The following SP100 variants were observed in gnomAD, a reference collection of about 807,000 sequenced individuals.
The protein encoded by SP100 is SP100 nuclear body protein, also known as nuclear autoantigen Sp-100.
A neutral mutation model predicts 130.0 loss-of-function variants in SP100; 84 were observed. The ratio of observed to expected loss-of-function variants is 0.65; its 90% CI spans 0.54 to 0.77. The LOEUF (loss-of-function observed/expected upper bound fraction) is 0.77, where lower values mean the gene tolerates loss of function less well. Among genes scored for constraint, SP100 ranks in the 30% least tolerant of loss-of-function variants. SP100 has a pLI of 0.00. For synonymous variants in SP100, 331 were observed against 351.7 expected (o/e 0.94, Z 0.66); for missense variants, 978 against 1,052.2 (o/e 0.93, Z 0.97).
intron 24 of SP100, among the ~76,000 whole-genome samples, chr2:230,535,906 CAAAAAAAAAAAA>C (rs34684038): frequency 1.7e-4 from 8 of 47,572 alleles, no homozygotes; most frequent in African/African-American, 2.2e-4. Flanking sequence ...GACTCCATCT[CAAAAAAAAAAAA>C]AAAAAAAAAA....
chr2:230,439,434 G>A (rs1276916305), intron 2 of SP100, among the ~76,000 whole-genome samples: 2 of 152,122 alleles, frequency 1.3e-5, no homozygotes, highest in Non-Finnish European at 2.9e-5. Flanking sequence ...CCATGAGCAT[G>A]GAATGTGTTT....
chr2:230,466,429 A>G (rs2064962751), intron 12 of SP100, 75 bp downstream of exon 12: 1 of 834,012 alleles, frequency 1.2e-6, no homozygotes, highest in Non-Finnish European at 2.0e-6. Flanking sequence ...AATATTTTCT[A>G]CAAAAGAGTC....
intron 24 of SP100, among the ~76,000 whole-genome samples, chr2:230,526,145 C>G (rs1287036473): frequency 6.6e-6 from 1 of 152,202 alleles, no homozygotes; most frequent in Non-Finnish European, 1.5e-5. Flanking sequence ...TGGGAAACCC[C>G]TGCCAGTAGG....
chr2:230,417,638 T>A lies in SP100; in HGVS notation c.80T>A (p.Leu27His). The change falls in exon 2 of 29, where the codon CTT becomes CAT. Residue 27 changes from leucine (L) to histidine (H), a missense_variant. By Grantham distance (99) the Leu-to-His change is moderately conservative. Coordinates refer to ENST00000340126, the MANE Select transcript of SP100 (RefSeq NM_001080391.2). ...CCAGTAGCAAATGAGATGAACCATC[T>A]TCCTGCACACAGCCACGATTTGCAA... ...ISPVANEMNH[L>H]PAHSHDLQRM... 1 of 1,613,160 alleles carries A rather than the reference T, an allele frequency of 6.2e-7. No individual in the cohort carries two copies. The highest frequency in any genetic ancestry group is 8.5e-7 in the Non-Finnish European group (1 of 1,179,746).
chr2:230,515,121 T>C lies in SP100; in HGVS notation c.2094+3955T>C. On this transcript the variant is annotated intron_variant, in intron 24 of 28. Transcript: ENST00000340126. ...AGGAGCATAAGAAGAAGAACCCAGA[T>C]GCTTCAGTCAAGTTCTCAGAGTTTT... is the stretch of plus-strand genomic sequence containing the variant. 2.5e-6 allele frequency: 4 copies of C among 1,613,134 alleles called. No homozygotes were observed. The South Asian group carries it at 4.4e-5, about 18-fold the overall frequency.
chr2:230,530,700 A>C (rs1691661332), intron 24 of SP100, among the ~76,000 whole-genome samples: 2 of 152,202 alleles, frequency 1.3e-5, no homozygotes, highest in South Asian at 4.1e-4. Flanking sequence ...GGCTAATATC[A>C]AGAATCTACT....
intron 17 of SP100, among the ~76,000 whole-genome samples, chr2:230,477,257 G>A (rs16827285): frequency 0.068 from 10,349 of 151,994 alleles, 524 homozygotes; most frequent in East Asian, 0.17. Context: ...GGTCATATAC[G>A]TTGCTAGTAT....
chr2:230,534,374 C>T (rs1447344524), intron 24 of SP100, among the ~76,000 whole-genome samples: 1 of 152,192 alleles, frequency 6.6e-6, no homozygotes, highest in African/African-American at 2.4e-5. Flanking sequence ...CCAGTGCATT[C>T]CAGCCTGGGT....
intron 2 of SP100, among the ~76,000 whole-genome samples, chr2:230,432,231 C>A (rs567889799): frequency 3.3e-4 from 50 of 152,142 alleles, no homozygotes; most frequent in African/African-American, 1.1e-3. Flanking sequence ...GTTCCTTTTT[C>A]TTGCTGAATT....
intron 2 of SP100, among the ~76,000 whole-genome samples, chr2:230,421,811 T>C (rs959457804): frequency 6.6e-6 from 1 of 152,176 alleles, no homozygotes; most frequent in Non-Finnish European, 1.5e-5. Flanking sequence ...AATCTCATGA[T>C]GGTTTGCCTT....
chr2:230,475,696 CTTGAG>C (rs1436306017), intron 17 of SP100, among the ~76,000 whole-genome samples: 3 of 152,134 alleles, frequency 2.0e-5, no homozygotes, highest in Non-Finnish European at 1.5e-5. Context: ...TTTAATCCAT[CTTGAG>C]TTAATTTTTG....
chr2:230,515,554 G>T (rs1268119054), intron 24 of SP100: 8 of 1,598,314 alleles, frequency 5.0e-6, no homozygotes, highest in Non-Finnish European at 6.8e-6. Flanking sequence ...AGTTGTCAAG[G>T]CTGAAAAAAG....
At chr2:230,504,727 C>T (rs1452673273) in intron 21 of SP100, among the ~76,000 whole-genome samples, 6 of 152,162 alleles carry the variant, frequency 3.9e-5, no homozygotes, top group Admixed American at 2.0e-4. Context: ...AGAAGGAAAG[C>T]GGGTGTTCAG....
Position 230,473,399 on chromosome 2 carries a change from A to G in SP100, c.1505A>G (p.Gln502Arg). 2 of 1,613,800 alleles carry G rather than the reference A, an allele frequency of 1.2e-6. No individual in the cohort carries two copies. Among genetic ancestry groups the G allele is most frequent in the Non-Finnish European group, 8.5e-7 (1 of 1,179,738 alleles). Residue 502 changes from glutamine to arginine, a missense_variant, in exon 16 of 29, where the codon CAA becomes CGA. Transcript: ENST00000340126. ...TTTCCAAAAGGTGTGCCAAGAAGCC[A>G]AGAAGCAAGGACTGAAAGTAGTCAA... ...MCFPKGVPRS[Q>R]EARTESSQAS...
At chr2:230,423,585 T>C (rs953299176) in intron 2 of SP100, among the ~76,000 whole-genome samples, 1 of 152,224 alleles carries the variant, frequency 6.6e-6, no homozygotes, top group Non-Finnish European at 1.5e-5. Context: ...CTGTTTCTAA[T>C]ACGTTGGTTT....
intron 2 of SP100, among the ~76,000 whole-genome samples, chr2:230,424,777 T>G (rs1305430469): frequency 9.9e-5 from 15 of 152,098 alleles, no homozygotes; most frequent in Admixed American, 9.8e-4. Flanking sequence ...TATGGTTAAT[T>G]TGGAACTGCT....
intron 2 of SP100, among the ~76,000 whole-genome samples, chr2:230,438,526 A>T (rs1466012893): frequency 6.6e-6 from 1 of 151,962 alleles, no homozygotes; most frequent in African/African-American, 2.4e-5. Flanking sequence ...ACATAACGAT[A>T]CTTGGTTCCA....
intron 21 of SP100, among the ~76,000 whole-genome samples, 197 bp downstream of exon 21, chr2:230,504,487 C>T (rs146568812): frequency 6.6e-6 from 1 of 152,250 alleles, no homozygotes; most frequent in East Asian, 1.9e-4. Context: ...CAAAACATAC[C>T]ATAGGGAAAA....
At chr2:230,481,669 C>T (rs1278963117) in intron 17 of SP100, among the ~76,000 whole-genome samples, 1 of 152,144 alleles carries the variant, frequency 6.6e-6, no homozygotes, top group Non-Finnish European at 1.5e-5. Context: ...TTCAGTCGAA[C>T]CTAGAAAAGT....
Sources: gnomAD v4.1 joint callset for allele counts (sites outside exome capture counted in the v4.1 genomes callset) on GRCh38, gnomAD v4.1.1 for gene constraint, MANE v1.5 for transcripts, NCBI Gene and HGNC (gene_info 2026-07-23, HGNC 2026-07-21) for gene names.